Variants in PDE11A observed in about 807,000 individuals in gnomAD.
The protein encoded by PDE11A is dual 3',5'-cyclic-AMP and -GMP phosphodiesterase 11A.
A neutral mutation model predicts 100.5 loss-of-function variants in PDE11A; 100 were observed. The ratio of observed to expected loss-of-function variants is 1.00; its 90% confidence interval spans 0.85 to 1.18. The LOEUF is 1.18. Among genes scored for constraint, PDE11A ranks in the 50% most tolerant of loss-of-function variants. The probability of loss-of-function intolerance (pLI) is 0.00; values close to 1 mark genes in which losing one functional copy is unlikely to be tolerated. For synonymous variants in PDE11A, 381 were observed against 420.8 expected, an observed-to-expected ratio of 0.91 and a Z score of 1.16; for missense variants, 1,141 against 1,152.6, an observed-to-expected ratio of 0.99 and a Z score of 0.15.
intron 1 of PDE11A, among the ~76,000 whole-genome samples, chr2:178,041,536 G>A (rs1027370539): frequency 7.9e-5 from 12 of 152,010 alleles, no homozygotes; most frequent in South Asian, 2.1e-4. Flanking sequence ...CATCGCACCC[G>A]GCCAGAAAAT....
Position 177,820,217 on chromosome 2 carries a change from T to C in PDE11A, c.1576+3A>G, listed in dbSNP as rs567558184. ...AAGTTTAACTATTTAGGTCATCTCT[T>C]ACCAATTATTTGGTGGTTGCTATTC... On this transcript the variant is annotated splice_donor_region_variant and intron_variant, in intron 7 of 19. Coordinates refer to ENST00000286063, the MANE Select transcript of PDE11A (RefSeq NM_016953.4). 3.4e-6 allele frequency: 5 copies of C among 1,471,586 alleles called. No individual in the cohort carries two copies. The Admixed American group carries it at 6.7e-5, about 20-fold the overall frequency. The allele number at this position is 1,471,586 out of a possible 1,614,324, so 91.2% of individuals were successfully genotyped here.
intron 2 of PDE11A, among the ~76,000 whole-genome samples, chr2:177,926,553 A>C (rs980606278): frequency 1.3e-5 from 2 of 152,200 alleles, no homozygotes; most frequent in Admixed American, 1.3e-4. Flanking sequence ...TAGGGAGTAA[A>C]ATATGAAGCA....
chr2:177,669,447 T>C (rs774261649), intron 18 of PDE11A, 46 bp downstream of exon 18: 12 of 834,446 alleles, frequency 1.4e-5, no homozygotes, highest in South Asian at 1.3e-4. Flanking sequence ...TTTTTGAAAA[T>C]GTCATTCAAA....
intron 9 of PDE11A, among the ~76,000 whole-genome samples, chr2:177,789,622 T>C (rs1319016314): frequency 3.3e-5 from 5 of 152,022 alleles, no homozygotes; most frequent in East Asian, 1.9e-4. Flanking sequence ...GATGACATGA[T>C]TGTATATCTA....
At chr2:177,835,654 C>T (rs928316066) in intron 6 of PDE11A, among the ~76,000 whole-genome samples, 29 of 152,132 alleles carry the variant, frequency 1.9e-4, no homozygotes, top group Admixed American at 6.5e-4. Flanking sequence ...GCTCCCTCTG[C>T]TTGTGGGGAG....
intron 2 of PDE11A, among the ~76,000 whole-genome samples, chr2:177,911,547 A>G (rs967920292): frequency 2.0e-5 from 3 of 152,186 alleles, no homozygotes; most frequent in Non-Finnish European, 4.4e-5. Context: ...TTCAAAGAAA[A>G]CAGTCTCCAA....
chr2:177,709,337 G>A (rs1450448886), intron 13 of PDE11A, among the ~76,000 whole-genome samples: 1 of 152,194 alleles, frequency 6.6e-6, no homozygotes, highest in Non-Finnish European at 1.5e-5. Context: ...CAAACCAGGA[G>A]TCATGCCAAG....
intron 18 of PDE11A, among the ~76,000 whole-genome samples, chr2:177,665,156 AT>A (rs1354772108): frequency 1.3e-5 from 2 of 152,066 alleles, no homozygotes; most frequent in Non-Finnish European, 2.9e-5. Flanking sequence ...GTTCTTGTGA[AT>A]AATATGAGTC....
upstream of PDE11A, among the ~76,000 whole-genome samples, chr2:178,075,551 CAAAAAAAAAAA>C (rs397756518): frequency 4.3e-3 from 206 of 47,838 alleles, 1 homozygote; most frequent in African/African-American, 0.014. Context: ...GACTCTGTCT[CAAAAAAAAAAA>C]AAAAAAAAAA....
chr2:177,860,619 G>A (rs1216699780), intron 5 of PDE11A, among the ~76,000 whole-genome samples: 3 of 151,558 alleles, frequency 2.0e-5, no homozygotes, highest in Non-Finnish European at 4.4e-5. Context: ...GGGTAGCATT[G>A]CCCTGACACC....
At chr2:177,769,082 G>A (rs769230305) in intron 10 of PDE11A, among the ~76,000 whole-genome samples, 2 of 151,952 alleles carry the variant, frequency 1.3e-5, no homozygotes, top group Admixed American at 6.6e-5. Context: ...CCCTGATATC[G>A]TGCTTTCTTA....
intron 15 of PDE11A, among the ~76,000 whole-genome samples, chr2:177,685,724 G>C (rs957222204): frequency 7.2e-5 from 11 of 151,948 alleles, no homozygotes; most frequent in Admixed American, 2.6e-4. Context: ...TGCACCACCA[G>C]GCCTGGCTAA....
chr2:177,761,288 A>G (rs1053418949), intron 10 of PDE11A, among the ~76,000 whole-genome samples: 1 of 152,222 alleles, frequency 6.6e-6, no homozygotes, highest in Non-Finnish European at 1.5e-5. Context: ...ACATAAAAAC[A>G]AGGGGTTTCA....
chr2:177,797,379 G>A (rs574035010), intron 9 of PDE11A, among the ~76,000 whole-genome samples: 3 of 152,296 alleles, frequency 2.0e-5, no homozygotes. Context: ...ACCTTTCTGA[G>A]CCTCAATTTG....
chr2:177,981,911 G>A (rs1035563346), intron 2 of PDE11A, among the ~76,000 whole-genome samples: 38 of 150,728 alleles, frequency 2.5e-4, no homozygotes, highest in African/African-American at 9.0e-4. Context: ...TCCTTCCTGC[G>A]CTTAGCTGAA....
At chr2:178,094,766 C>T (rs911304985) in intron 2 of PDE11A, among the ~76,000 whole-genome samples, 9 of 152,050 alleles carry the variant, frequency 5.9e-5, no homozygotes, top group Non-Finnish European at 7.4e-5. Context: ...ATAGCTGAGA[C>T]GGCCTCAAGA....
chr2:177,966,109 T>C (rs2085694089), intron 2 of PDE11A, among the ~76,000 whole-genome samples: 1 of 152,214 alleles, frequency 6.6e-6, no homozygotes, highest in Non-Finnish European at 1.5e-5. Flanking sequence ...TTTTATTTTC[T>C]GTGTGGCTAT....
At chr2:177,722,918 ACT>A (rs2081551529) in intron 12 of PDE11A, among the ~76,000 whole-genome samples, 1 of 152,210 alleles carries the variant, frequency 6.6e-6, no homozygotes, top group Admixed American at 6.5e-5. Flanking sequence ...AAATATGATT[ACT>A]GTTTATTAAT....
chr2:177,771,567 T>A (rs2082310450), intron 9 of PDE11A, among the ~76,000 whole-genome samples: 1 of 152,182 alleles, frequency 6.6e-6, no homozygotes, highest in Non-Finnish European at 1.5e-5. Context: ...CATCTCCTGC[T>A]TAACGTAGAG....
Sources: allele counts gnomAD v4.1 joint callset (sites outside exome capture counted in the v4.1 genomes callset), GRCh38; gene constraint gnomAD v4.1.1; transcripts MANE v1.5; gene names NCBI Gene and HGNC (gene_info 2026-07-23, HGNC 2026-07-21).